The following IL2RA variants were observed in gnomAD, a reference collection of about 807,000 sequenced individuals.
The protein encoded by IL2RA is interleukin-2 receptor subunit alpha.
Under a neutral mutation model 37.8 loss-of-function variants are expected in IL2RA, and 24 were observed. The observed-to-expected ratio is 0.63, with a 90% CI of 0.46 to 0.89. The LOEUF (loss-of-function observed/expected upper bound fraction) is 0.89. IL2RA is among the 40% of genes least tolerant of loss of function. The probability of loss-of-function intolerance (pLI) is 0.00; values close to 1 mark genes in which losing one functional copy is unlikely to be tolerated. For synonymous variants in IL2RA, 125 were observed against 114.6 expected, an observed-to-expected ratio of 1.09 and a Z score of -0.58; for missense variants, 319 against 348.6, an observed-to-expected ratio of 0.92 and a Z score of 0.68.
chr10:6,011,855 CCGT>C lies in IL2RA; in HGVS notation c.*1014_*1016del, dbSNP rs1839196085. 1 of 152,418 alleles carries C rather than the reference CCGT, an allele frequency of 6.6e-6. No homozygotes were observed. Among genetic ancestry groups the C allele is most frequent in the Admixed American group, 6.5e-5 (1 of 15,286 alleles). 9.4% of individuals were successfully genotyped at this position (152,418 alleles called of 1,614,324 possible). ...CGTGCCAGGCCTGATGCGCTCTTTT[CCGT>C]GGTTACGTTCTACCAGTGTGACCTC... is the stretch of plus-strand genomic sequence containing the variant. On this transcript the variant is annotated 3_prime_UTR_variant, in exon 8 of 8. Transcript: ENST00000379959. This position sits in a 1 kb window ranked among gnomAD's most constrained non-coding sequence, Gnocchi z 5.2.
At chr10:6,031,468 ATATATATATATATATATATATATATG>A (rs1218465829) in intron 1 of IL2RA, among the ~76,000 whole-genome samples, 3,357 of 19,584 alleles carry the variant, frequency 0.17, 55 homozygotes, top group Middle Eastern at 0.21. Flanking sequence ...ATATATATAT[ATATATATATATATATATATATATATG>A]TATATATATA....
At chr10:6,039,904 G>A (rs1362387353) in intron 1 of IL2RA, among the ~76,000 whole-genome samples, 1 of 152,214 alleles carries the variant, frequency 6.6e-6, no homozygotes, top group African/African-American at 2.4e-5. Flanking sequence ...CCAGGCAACA[G>A]AATGAAGGCT....
In IL2RA at chr10:6,020,526, G is replaced by T. The variant is rs1839367052; in HGVS notation, c.584-585C>A. On this transcript the variant is annotated intron_variant, in intron 4 of 7. Transcript: ENST00000379959. This position sits in a 1 kb window ranked among gnomAD's most constrained non-coding sequence, Gnocchi z 5.6. Reference sequence around the variant, plus strand: ...GAGCAAGAAAACCAGGAATACTTGTGGTTGAATGTAAGTCACTTTTTTTTT... The same window carrying T: ...GAGCAAGAAAACCAGGAATACTTGTTGTTGAATGTAAGTCACTTTTTTTTT... Among the ~76,000 whole-genome samples, 1 of 146,804 alleles carries T rather than the reference G, an allele frequency of 6.8e-6. No homozygotes were observed.
intron 1 of IL2RA, among the ~76,000 whole-genome samples, chr10:6,042,212 A>G (rs891680950): frequency 2.7e-5 from 4 of 148,968 alleles, no homozygotes; most frequent in African/African-American, 9.8e-5. Context: ...GAATGGTTTA[A>G]CGTTAGAAAA....
At chr10:6,045,770 G>C (rs1839843792) in intron 1 of IL2RA, among the ~76,000 whole-genome samples, 1 of 152,182 alleles carries the variant, frequency 6.6e-6, no homozygotes, top group Non-Finnish European at 1.5e-5. Flanking sequence ...AGAAACTGGA[G>C]CGAGGAGCTG....
At position 6,012,993 on chromosome 10, in the gene IL2RA, C is replaced by T. The variant is rs1392129075; in HGVS notation, c.795-97G>A. ...CCAGTGCACACGCCACCATGCCTGG[C>T]TAATTTTTGTATTTTTAGTAGAGAT... On this transcript the variant is annotated intron_variant, in intron 7 of 7. Coordinates refer to ENST00000379959, the MANE Select transcript of IL2RA (RefSeq NM_000417.3). The surrounding 1 kb of genome is among the most constrained non-coding windows in gnomAD (Gnocchi z 4.8). 7 of 1,161,086 alleles carry T rather than the reference C, an allele frequency of 6.0e-6. No homozygotes were observed. Among genetic ancestry groups the T allele is most frequent in the Non-Finnish European group, 9.1e-6 (7 of 768,860 alleles). The allele number at this position is 1,161,086 out of a possible 1,614,324, so 71.9% of individuals were successfully genotyped here.
At position 6,020,542 on chromosome 10, in the gene IL2RA, C is replaced by CTT. The variant is rs35567174; in HGVS notation, c.584-603_584-602dup. Among the ~76,000 whole-genome samples, 21 of 149,022 alleles carry CTT rather than the reference C, an allele frequency of 1.4e-4. No homozygotes were observed. Among genetic ancestry groups the CTT allele is most frequent in the African/African-American group, 1.7e-4 (7 of 40,736 alleles). ...AATACTTGTGGTTGAATGTAAGTCACTTTTTTTTTTTGAGACGGAGTCTTG... is the reference window on the plus strand; with the variant it reads ...AATACTTGTGGTTGAATGTAAGTCACTTTTTTTTTTTTTGAGACGGAGTCTTG... On this transcript the variant is annotated intron_variant, in intron 4 of 7. Coordinates refer to ENST00000379959, the MANE Select transcript of IL2RA (RefSeq NM_000417.3). This position sits in a 1 kb window ranked among gnomAD's most constrained non-coding sequence, Gnocchi z 5.6.
At position 6,021,427 on chromosome 10, in the gene IL2RA, A is replaced by T; in HGVS notation, c.583+51T>A. 6.8e-7 allele frequency: 1 copy of T among 1,479,970 alleles called. No individual in the cohort carries two copies. 91.7% of individuals were successfully genotyped at this position (1,479,970 alleles called of 1,614,324 possible). A position where few individuals can be genotyped will look rare whatever the true frequency, so the allele number is the denominator to read the frequency against. ...AGTGGTCAGGGATTCCACTCTGGTC[A>T]GCCTGATGGAGCAAAGCAACATTGT... On this transcript the variant is annotated intron_variant, in intron 4 of 7. Transcript: ENST00000379959. This position sits in a 1 kb window ranked among gnomAD's most constrained non-coding sequence, Gnocchi z 4.9.
Position 6,014,784 on chromosome 10 carries a change from C to T in IL2RA, c.795-1888G>A, listed in dbSNP as rs2132843061. 6.6e-6 allele frequency among the ~76,000 whole-genome samples: 1 copy of T among 152,180 alleles called. No homozygotes were observed. The highest frequency in any genetic ancestry group is 1.9e-4 in the East Asian group (1 of 5,186). On this transcript the variant is annotated intron_variant, in intron 7 of 7. Transcript: ENST00000379959. The surrounding 1 kb of genome is among the most constrained non-coding windows in gnomAD (Gnocchi z 4.4). ...ATGAATCATTCCTGCTACAATAACC[C>T]TAGGGGGCTTATCATTTGCACTGCA... is the stretch of plus-strand genomic sequence containing the variant.
Position 6,062,148 on chromosome 10 carries a change from C to A in IL2RA, c.4G>T (p.Asp2Tyr), listed in dbSNP as rs1406895472. 1 of 1,613,700 alleles carries A rather than the reference C, an allele frequency of 6.2e-7. No individual in the cohort carries two copies. Among genetic ancestry groups the A allele is most frequent in the African/African-American group, 1.3e-5 (1 of 74,932 alleles). The change falls in exon 1 of 8, where the codon GAT becomes TAT. Residue 2 changes from aspartate to tyrosine, a missense_variant. Physicochemically the swap from Asp to Tyr is radical, Grantham distance 160. Transcript: ENST00000379959. M[D>Y]SYLLMWGLLT... Reference sequence around the variant, plus strand: ...AGTCCCCACATCAGCAGGTATGAATCCATCTTCCTGACCCTTGGGACCAGC... The same window carrying A: ...AGTCCCCACATCAGCAGGTATGAATACATCTTCCTGACCCTTGGGACCAGC...
chr10:6,022,656 G>C lies in IL2RA; in HGVS notation c.368-963C>G, dbSNP rs1271899388. Among the ~76,000 whole-genome samples, 1 of 151,136 alleles carries C rather than the reference G, an allele frequency of 6.6e-6. No homozygotes were observed. The highest frequency in any genetic ancestry group is 1.5e-5 in the Non-Finnish European group (1 of 67,826). On this transcript the variant is annotated intron_variant, in intron 3 of 7. Transcript: ENST00000379959. This position sits in a 1 kb window ranked among gnomAD's most constrained non-coding sequence, Gnocchi z 4.7. ...TGCCATGTGGCACCTTGAACATCAC[G>C]ACTGAACTTGTGTTTTGGTCTCAGG...
At chr10:6,061,830 C>A (rs1478590595) in intron 1 of IL2RA, among the ~76,000 whole-genome samples, 3 of 152,146 alleles carry the variant, frequency 2.0e-5, no homozygotes, top group Non-Finnish European at 4.4e-5. Context: ...AAATATCATG[C>A]CACACTATTC....
intron 1 of IL2RA, among the ~76,000 whole-genome samples, chr10:6,043,126 T>C (rs1839797869): frequency 6.6e-6 from 1 of 152,166 alleles, no homozygotes; most frequent in Admixed American, 6.5e-5. Flanking sequence ...CAAAAGAAGG[T>C]TAGATTAATA....
chr10:6,062,252 G>A lies in IL2RA; in HGVS notation c.-101C>T, dbSNP rs1453635398. The A allele has an allele frequency of 7.0e-6, 7 of 996,300 alleles. No individual in the cohort carries two copies. Among genetic ancestry groups the A allele is most frequent in the Non-Finnish European group, 1.1e-5 (7 of 628,112 alleles). 61.7% of individuals were successfully genotyped at this position (996,300 alleles called of 1,614,324 possible). On this transcript the variant is annotated 5_prime_UTR_variant, in exon 1 of 8. Coordinates refer to ENST00000379959, the MANE Select transcript of IL2RA (RefSeq NM_000417.3). ...TCTTTTTGGCATCGCGCCGGAGGAT[G>A]TGGGATGGGAAGATCGGTCCGCCTG...
At position 6,029,789 on chromosome 10, in the gene IL2RA, C is replaced by CT. The variant is rs1839547972; in HGVS notation, c.65-3765dup. On this transcript the variant is annotated intron_variant, in intron 1 of 7. Transcript: ENST00000379959. This position sits in a 1 kb window ranked among gnomAD's most constrained non-coding sequence, Gnocchi z 4.6. ...GCACAATCTTGGCTCACTGAAACCT[C>CT]TGCCTCCCAGATTCAAGTGATTCTT... 1.3e-5 allele frequency among the ~76,000 whole-genome samples: 2 copies of CT among 152,190 alleles called. No individual in the cohort carries two copies. Among genetic ancestry groups the CT allele is most frequent in the Non-Finnish European group, 2.9e-5 (2 of 68,038 alleles).
intron 1 of IL2RA, among the ~76,000 whole-genome samples, chr10:6,027,980 T>TA (rs1839511721): frequency 1.3e-5 from 2 of 152,292 alleles, no homozygotes; most frequent in South Asian, 4.1e-4. Flanking sequence ...GACCAAAACT[T>TA]ACGTTTCTGC....
Position 6,021,754 on chromosome 10 carries a change from G to T in IL2RA, c.368-61C>A. 7.1e-7 allele frequency: 1 copy of T among 1,401,326 alleles called. No individual in the cohort carries two copies. Among genetic ancestry groups the T allele is most frequent in the Non-Finnish European group, 1.0e-6 (1 of 990,004 alleles). The allele number at this position is 1,401,326 out of a possible 1,614,324, so 86.8% of individuals were successfully genotyped here. ...GGGACAGCACCGCGAGTGAGTCCAG[G>T]TTGCCTCTTGCTAGGGACTGGACCT... On this transcript the variant is annotated intron_variant, in intron 3 of 7. Coordinates refer to ENST00000379959, the MANE Select transcript of IL2RA (RefSeq NM_000417.3). The surrounding 1 kb of genome is among the most constrained non-coding windows in gnomAD (Gnocchi z 4.9).
At position 6,062,293 on chromosome 10, in the gene IL2RA, G is replaced by T. The variant is rs915767013; in HGVS notation, c.-142C>A. The stretch of plus-strand genomic sequence containing the variant: ...GGTCCGCCTGGGCTGTCACCCTTGT[G>T]GGTCCATCCAGTCTCTATCGGAGTC... On this transcript the variant is annotated 5_prime_UTR_variant, in exon 1 of 8. Transcript: ENST00000379959. 2 of 701,032 alleles carry T rather than the reference G, an allele frequency of 2.9e-6. No individual in the cohort carries two copies. The highest frequency in any genetic ancestry group is 5.2e-6 in the Non-Finnish European group (2 of 388,260). The allele number at this position is 701,032 out of a possible 1,614,324, so 43.4% of individuals were successfully genotyped here.
In IL2RA at chr10:6,058,984, C is replaced by T. The variant is rs1840086987; in HGVS notation, c.64+3104G>A. 6.6e-6 allele frequency among the ~76,000 whole-genome samples: 1 copy of T among 152,198 alleles called. No homozygotes were observed. Among genetic ancestry groups the T allele is most frequent in the Non-Finnish European group, 1.5e-5 (1 of 68,020 alleles). On this transcript the variant is annotated intron_variant, in intron 1 of 7. Transcript: ENST00000379959. The surrounding 1 kb of genome is among the most constrained non-coding windows in gnomAD (Gnocchi z 4.2). ...GCCCTTATGAATCAGCTAGAAATTG[C>T]ATCTGTTGACAGTCTGATTTCATTA...
Sources: gnomAD v4.1 joint callset for allele counts (sites outside exome capture counted in the v4.1 genomes callset) on GRCh38, gnomAD v4.1.1 for gene constraint, Gnocchi (gnomAD v3.1) non-coding constraint, MANE v1.5 for transcripts, NCBI Gene and HGNC (gene_info 2026-07-23, HGNC 2026-07-21) for gene names.